RASAL2: variants seen among roughly 807,000 people sequenced by gnomAD.
RASAL2 encodes the protein RAS protein activator like 2.
A neutral mutation model predicts 128.9 loss-of-function variants in RASAL2; 58 were observed. That is an observed-to-expected ratio of 0.45 (90% CI 0.36 to 0.56). RASAL2 has a LOEUF of 0.56. Among genes scored for constraint, RASAL2 ranks in the 20% least tolerant of loss-of-function variants. RASAL2 has a pLI of 0.00. For synonymous variants in RASAL2, 561 were observed against 580.8 expected (o/e 0.97, Z 0.49); for missense variants, 1,360 against 1,601.6 (o/e 0.85, Z 2.57).
intron 1 of RASAL2, among the ~76,000 whole-genome samples, chr1:178,221,461 A>G (rs559158838): frequency 6.6e-6 from 1 of 152,276 alleles, no homozygotes; most frequent in South Asian, 2.1e-4. Context: ...GATAAGTTAT[A>G]TCATCATTTT....
intron 3 of RASAL2, among the ~76,000 whole-genome samples, chr1:178,309,014 A>G (rs1225155657): frequency 6.6e-6 from 1 of 152,270 alleles, no homozygotes; most frequent in African/African-American, 2.4e-5. Context: ...TCCTTTATAA[A>G]ATAGAGTAAA....
intron 1 of RASAL2, among the ~76,000 whole-genome samples, chr1:178,104,013 C>CT (rs1452363367): frequency 1.3e-5 from 2 of 151,918 alleles, no homozygotes; most frequent in African/African-American, 4.8e-5. Context: ...TCTACATACA[C>CT]TAAGTACCTA....
chr1:178,260,367 T>A (rs1398458702), intron 1 of RASAL2, among the ~76,000 whole-genome samples: 1,185 of 3,574 alleles, frequency 0.33, 438 homozygotes, highest in East Asian at 0.43. Flanking sequence ...AAAAAAAATA[T>A]ATATATATAT....
intron 1 of RASAL2, among the ~76,000 whole-genome samples, chr1:178,141,001 A>G (rs1660503017): frequency 6.6e-6 from 1 of 152,158 alleles, no homozygotes. Flanking sequence ...ACATGGCCAG[A>G]GTAGGAGCAA....
intron 1 of RASAL2, among the ~76,000 whole-genome samples, chr1:178,114,137 A>G (rs1659441516): frequency 6.6e-6 from 1 of 151,990 alleles, no homozygotes. Flanking sequence ...GTCTGCAAAT[A>G]AAGATAGATT....
At chr1:178,124,772 G>A (rs1404479784) in intron 1 of RASAL2, among the ~76,000 whole-genome samples, 1 of 151,980 alleles carries the variant, frequency 6.6e-6, no homozygotes, top group African/African-American at 2.4e-5. Context: ...GAATTGCCCC[G>A]CCCTCCTTTG....
At chr1:178,372,154 C>G in intron 3 of RASAL2, 16 of 985,100 alleles carry the variant, frequency 1.6e-5, no homozygotes, top group Non-Finnish European at 1.9e-5. Context: ...AGTGTTGGAC[C>G]CCCAAGAATT....
At chr1:178,368,299 C>G (rs550922516) in intron 3 of RASAL2, among the ~76,000 whole-genome samples, 27 of 152,248 alleles carry the variant, frequency 1.8e-4, no homozygotes, top group African/African-American at 6.5e-4. Flanking sequence ...ATACTTATCT[C>G]ACGTGGTTGT....
chr1:178,175,192 T>C (rs1484749536), intron 1 of RASAL2, among the ~76,000 whole-genome samples: 1 of 152,202 alleles, frequency 6.6e-6, no homozygotes, highest in Non-Finnish European at 1.5e-5. Flanking sequence ...TGTGTTTTTT[T>C]CCCTTATAGT....
chr1:178,226,650 G>GA, intron 1 of RASAL2, among the ~76,000 whole-genome samples: 1 of 152,262 alleles, frequency 6.6e-6, no homozygotes, highest in South Asian at 2.1e-4. Flanking sequence ...ACTGAATACA[G>GA]AAAACTGTAT....
intron 1 of RASAL2, among the ~76,000 whole-genome samples, chr1:178,186,497 G>A (rs1006036006): frequency 3.3e-5 from 5 of 151,960 alleles, no homozygotes; most frequent in African/African-American, 7.2e-5. Flanking sequence ...GAAGGGTATG[G>A]TATGTTTTAC....
At chr1:178,147,580 G>A (rs531764685) in intron 1 of RASAL2, among the ~76,000 whole-genome samples, 172 of 151,852 alleles carry the variant, frequency 1.1e-3, no homozygotes, top group Middle Eastern at 6.4e-3. Flanking sequence ...AAATATATAT[G>A]AGCACACAGG....
rs748573215 is a variant in RASAL2, at chr1:178,443,052, A to G, written c.1305A>G (p.Lys435=). The G allele has an allele frequency of 1.3e-5, 21 of 1,613,938 alleles. No homozygotes were observed. The South Asian group carries it at 1.8e-4, about 13-fold the overall frequency. ...GKTGGPSIRI[K]SRFQTITILP... ...CAGGAGGACCTTCTATTCGGATTAA[A>G]TCACGTTTCCAAACTATCACCATTC... Residue 435 remains lysine (K), a synonymous_variant, in exon 8 of 18, where the codon AAA becomes AAG. Coordinates refer to ENST00000367649, the MANE Select transcript of RASAL2 (RefSeq NM_170692.4).
intron 1 of RASAL2, among the ~76,000 whole-genome samples, chr1:178,137,511 T>C (rs1660369428): frequency 6.6e-6 from 1 of 152,242 alleles, no homozygotes; most frequent in Non-Finnish European, 1.5e-5. Context: ...GGAACATTTC[T>C]AAGGCACATA....
intron 1 of RASAL2, among the ~76,000 whole-genome samples, chr1:178,165,393 G>A (rs1466497560): frequency 6.6e-6 from 1 of 152,116 alleles, no homozygotes; most frequent in Non-Finnish European, 1.5e-5. Flanking sequence ...TGTAACTATT[G>A]TGTAACATTT....
In RASAL2 at chr1:178,473,340, C is replaced by T. The variant is rs1648449880; in HGVS notation, c.*101C>T. On this transcript the variant is annotated 3_prime_UTR_variant, in exon 18 of 18. Coordinates refer to ENST00000367649, the MANE Select transcript of RASAL2 (RefSeq NM_170692.4). Reference sequence around the variant, plus strand: ...AGGTTTACAGAATGTTGCTACTTCACAATGGCGATGTGGTGAGAAACTCCT... The same window carrying T: ...AGGTTTACAGAATGTTGCTACTTCATAATGGCGATGTGGTGAGAAACTCCT... The T allele has an allele frequency of 3.5e-6, 5 of 1,413,892 alleles. No homozygotes were observed. The East Asian group carries it at 1.2e-4, about 33-fold the overall frequency. The allele number at this position is 1,413,892 out of a possible 1,614,324, so 87.6% of individuals were successfully genotyped here. A position where few individuals can be genotyped will look rare whatever the true frequency, so the allele number is the denominator to read the frequency against.
intron 1 of RASAL2, among the ~76,000 whole-genome samples, chr1:178,135,128 C>T (rs1287322629): frequency 1.3e-5 from 2 of 152,118 alleles, no homozygotes; most frequent in African/African-American, 2.4e-5. Context: ...CCCTACAGTC[C>T]TGATTTGGCT....
rs560068653 is a variant in RASAL2 at position 178,136,329 on chromosome 1, G to A, written c.202+41635G>A. ...GAGTCTTTGCTTTACCTGTGGGACC[G>A]TGGACCAGCTGCTTAATCTTCATAT... is the stretch of plus-strand genomic sequence containing the variant. On this transcript the variant is annotated intron_variant, in intron 1 of 17. Transcript: ENST00000367649. Among the ~76,000 whole-genome samples, 12 of 152,288 alleles carry A rather than the reference G, an allele frequency of 7.9e-5. No individual in the cohort carries two copies. In the East Asian group the frequency reaches 9.7e-4, roughly 12 times the overall value.
At chr1:178,307,555 G>A (rs1668054462) in intron 3 of RASAL2, among the ~76,000 whole-genome samples, 1 of 152,112 alleles carries the variant, frequency 6.6e-6, no homozygotes, top group South Asian at 2.1e-4. Flanking sequence ...TTAGTAAATA[G>A]TCATTTTCAA....
Sources: gnomAD v4.1 joint callset for allele counts (sites outside exome capture counted in the v4.1 genomes callset) on GRCh38, gnomAD v4.1.1 for gene constraint, MANE v1.5 for transcripts, NCBI Gene and HGNC (gene_info 2026-07-23, HGNC 2026-07-21) for gene names.